Variants in RCOR3 observed in about 807,000 individuals in gnomAD.
The protein encoded by RCOR3 is REST corepressor 3.
Under a neutral mutation model 64.1 loss-of-function variants are expected in RCOR3, and 13 were observed. The observed-to-expected ratio is 0.20, with a 90% CI of 0.13 to 0.32. The LOEUF is 0.32. Ranked by LOEUF, RCOR3 falls within the 10% of genes least tolerant of loss-of-function variation. The pLI is 1.00. For missense variants in RCOR3, 489 were observed against 701.2 expected (o/e 0.70, Z 3.42); for synonymous variants, 215 against 239.0 (o/e 0.90, Z 0.93).
chr1:211,283,482 A>G (rs1698105647), intron 7 of RCOR3, among the ~76,000 whole-genome samples: 1 of 152,218 alleles, frequency 6.6e-6, no homozygotes. Context: ...TACCCATTGT[A>G]TACTTCCTTG....
chr1:211,270,045 GCGTTAA>G (rs895414993), intron 2 of RCOR3, among the ~76,000 whole-genome samples: 4 of 146,732 alleles, frequency 2.7e-5, no homozygotes, highest in African/African-American at 1.0e-4. Context: ...AGAAGAAGTT[GCGTTAA>G]CTTTTTTATC....
At chr1:211,285,808 A>G (rs1698443770) in intron 7 of RCOR3, among the ~76,000 whole-genome samples, 1 of 152,152 alleles carries the variant, frequency 6.6e-6, no homozygotes, top group Admixed American at 6.5e-5. Flanking sequence ...TATGTGATCA[A>G]TTATTCTGAT....
At chr1:211,271,668 A>G (rs1571827691) in intron 3 of RCOR3, 1 of 397,890 alleles carries the variant, frequency 2.5e-6, no homozygotes, top group Non-Finnish European at 5.0e-6. Flanking sequence ...CAAACTTCAA[A>G]GAGCCCACTA....
At chr1:211,265,717 CAAAT>C (rs750890051) in intron 2 of RCOR3, among the ~76,000 whole-genome samples, 1 of 151,890 alleles carries the variant, frequency 6.6e-6, no homozygotes, top group Non-Finnish European at 1.5e-5. Context: ...GACTCTGTCT[CAAAT>C]AAATAAATAA....
intron 2 of RCOR3, among the ~76,000 whole-genome samples, chr1:211,264,468 G>A (rs983792924): frequency 6.6e-6 from 1 of 152,114 alleles, no homozygotes; most frequent in Non-Finnish European, 1.5e-5. Flanking sequence ...GATCGCTTGA[G>A]CCCAGGAGTT....
Position 211,285,297 on chromosome 1 carries a change from A to C in RCOR3, c.721-3881A>C, listed in dbSNP as rs541336495. Among the ~76,000 whole-genome samples, 22 of 152,314 alleles carry C rather than the reference A, an allele frequency of 1.4e-4. No homozygotes were observed. The South Asian group carries it at 4.6e-3, about 32-fold the overall frequency. ...TTCAACATCAAGTAGGTTGTTATTA[A>C]AGGTTTTTGACTCATTCACATTGCT... is the stretch of plus-strand genomic sequence containing the variant. On this transcript the variant is annotated intron_variant, in intron 7 of 11. Transcript: ENST00000419091.
rs563300171 is a variant in RCOR3 at position 211,286,510 on chromosome 1, G to T, written c.721-2668G>T. Among the ~76,000 whole-genome samples the T allele has an allele frequency of 4.6e-5, 7 of 151,898 alleles. No individual in the cohort carries two copies. In the East Asian group the frequency reaches 1.2e-3, roughly 25 times the overall value. ...TTTTAATAGAGATGGGGTTTCACCG[G>T]GTTAGCCAGTATGGTCTCGATCTCC... On this transcript the variant is annotated intron_variant, in intron 7 of 11. Coordinates refer to ENST00000419091, the MANE Select transcript of RCOR3 (RefSeq NM_001136223.3).
intron 9 of RCOR3, among the ~76,000 whole-genome samples, chr1:211,298,150 C>A (rs1387722859): frequency 6.6e-6 from 1 of 152,080 alleles, no homozygotes; most frequent in African/African-American, 2.4e-5. Context: ...TGTGATTTTT[C>A]CACCTGCTTT....
rs1269890049 is a variant in RCOR3 at position 211,312,755 on chromosome 1, G to A, written c.1111G>A (p.Ala371Thr). The change falls in exon 11 of 12, where the codon GCA becomes ACA. Residue 371 changes from alanine to threonine, a missense_variant. Ala to Thr is a moderately conservative substitution (Grantham distance 58). Coordinates refer to ENST00000419091, the MANE Select transcript of RCOR3 (RefSeq NM_001136223.3). The surrounding 1 kb of genome is among the most constrained non-coding windows in gnomAD (Gnocchi z 5.0). ...ATATGGTAAAGATTTTCAAGCTATTGCAGATGTAATTGGCAACAAGACTGT... is the reference window on the plus strand; with the variant it reads ...ATATGGTAAAGATTTTCAAGCTATTACAGATGTAATTGGCAACAAGACTGT... ...RKYGKDFQAI[A>T]DVIGNKTVGQ... 1 of 1,614,202 alleles carries A rather than the reference G, an allele frequency of 6.2e-7. No individual in the cohort carries two copies. The highest frequency in any genetic ancestry group is 8.5e-7 in the Non-Finnish European group (1 of 1,180,036).
rs113805013 is a variant in RCOR3, at chr1:211,308,746, T to C, written c.1076-3974T>C. ...TTTTTTTTTGAGACAGAGTCTCACT[T>C]TGTCACCAAGGCTGGAGCACAGTGT... On this transcript the variant is annotated intron_variant, in intron 10 of 11. Coordinates refer to ENST00000419091, the MANE Select transcript of RCOR3 (RefSeq NM_001136223.3). Among the ~76,000 whole-genome samples the C allele has an allele frequency of 3.0e-5, 3 of 100,022 alleles. No individual in the cohort carries two copies. In the Admixed American group the frequency reaches 3.4e-4, roughly 11 times the overall value. The allele number at this position is 100,022 out of a possible 152,430, so 65.6% of individuals were successfully genotyped here.
chr1:211,268,162 G>C (rs1239778484), intron 2 of RCOR3, among the ~76,000 whole-genome samples: 1 of 152,050 alleles, frequency 6.6e-6, no homozygotes, highest in Admixed American at 6.6e-5. Flanking sequence ...CATGTTAAAG[G>C]ATTGAAGTTT....
intron 7 of RCOR3, among the ~76,000 whole-genome samples, chr1:211,286,099 G>A (rs1698481975): frequency 6.6e-6 from 1 of 152,128 alleles, no homozygotes; most frequent in African/African-American, 2.4e-5. Flanking sequence ...CTGGGCGTAT[G>A]TATTAATATT....
In RCOR3 at chr1:211,313,096, G is replaced by T; in HGVS notation, c.1317+135G>T. 6.5e-7 allele frequency: 1 copy of T among 1,536,848 alleles called. No individual in the cohort carries two copies. Among genetic ancestry groups the T allele is most frequent in the South Asian group, 1.3e-5 (1 of 77,836 alleles). ...GTTGACAATACACTTCTTCAGTGGT[G>T]CATCTCTCGTGACTCTTAAGTCATA... On this transcript the variant is annotated intron_variant, in intron 11 of 11. Transcript: ENST00000419091. The surrounding 1 kb of genome is among the most constrained non-coding windows in gnomAD (Gnocchi z 4.7).
rs1701700717 is a variant in RCOR3 at position 211,313,577 on chromosome 1, C to T, written c.1471C>T (p.Pro491Ser). The change falls in exon 12 of 12, where the codon CCT (proline) becomes TCT (serine). Residue 491 changes from proline (P) to serine (S), a missense_variant. Physicochemically the swap from Pro to Ser is moderately conservative, Grantham distance 74 (BLOSUM62 -1). Around this residue, in one of 2 missense-constraint regions of RCOR3, gnomAD observed 402 missense variants for 617.0 expected, o/e 0.65. Coordinates refer to ENST00000419091, the MANE Select transcript of RCOR3 (RefSeq NM_001136223.3). The surrounding 1 kb of genome is among the most constrained non-coding windows in gnomAD (Gnocchi z 4.7). Reference protein sequence around the residue: ...PAAPALHRQPPPLQQQARFIQ... With the variant: ...PAAPALHRQPSPLQQQARFIQ... ...TGCCCCGGCTCTTCACCGGCAGCCT[C>T]CTCCACTCCAGCAGCAGGCTCGGTT... The T allele has an allele frequency of 6.2e-7, 1 of 1,614,134 alleles. No homozygotes were observed. Among genetic ancestry groups the T allele is most frequent in the Non-Finnish European group, 8.5e-7 (1 of 1,180,022 alleles).
intron 4 of RCOR3, among the ~76,000 whole-genome samples, chr1:211,274,822 T>G (rs976468344): frequency 2.0e-5 from 3 of 151,830 alleles, no homozygotes; most frequent in African/African-American, 7.2e-5. Flanking sequence ...GTTAAGTCTC[T>G]TCAAATAAAA....
rs762977515 is a variant in RCOR3 at position 211,295,716 on chromosome 1, A to G, written c.980A>G (p.Lys327Arg). The G allele has an allele frequency of 1.2e-6, 2 of 1,613,748 alleles. No individual in the cohort carries two copies. Among genetic ancestry groups the G allele is most frequent in the Non-Finnish European group, 1.7e-6 (2 of 1,179,808 alleles). ...AKQVNSALKQ[K>R]MEGGIEEFKP... is the part of the protein sequence containing the mutation. ...CAAGTAAACAGTGCACTTAAACAGA[A>G]AATGGAAGGTGGAATTGAAGAATTC... Residue 327 changes from lysine (K) to arginine (R), a missense_variant, in exon 9 of 12, where the codon AAA (lysine) becomes AGA (arginine). Around this residue, in one of 2 missense-constraint regions of RCOR3, gnomAD observed 402 missense variants for 617.0 expected, o/e 0.65. Transcript: ENST00000419091.
At chr1:211,295,788 G>A (rs768317661) in intron 9 of RCOR3, 35 bp downstream of exon 9, 1 of 1,572,110 alleles carries the variant, frequency 6.4e-7, no homozygotes, top group Non-Finnish European at 8.7e-7. Context: ...ATTAAGTATA[G>A]TGAAAACTTG....
chr1:211,299,306 G>A (rs940697778), intron 9 of RCOR3, among the ~76,000 whole-genome samples: 1 of 152,138 alleles, frequency 6.6e-6, no homozygotes, highest in Non-Finnish European at 1.5e-5. Context: ...ATGTCTCCTT[G>A]AAAGTATGTG....
chr1:211,259,924 G>GCCCCCCCC, intron 1 of RCOR3, 184 bp from the exon 2 acceptor site: 1 of 459,852 alleles, frequency 2.2e-6, no homozygotes, highest in Non-Finnish European at 3.2e-6. Context: ...CTCCGCCTTT[G>GCCCCCCCC]CCCCCCCCCG....
Sources: allele counts gnomAD v4.1 joint callset (sites outside exome capture counted in the v4.1 genomes callset), GRCh38; gene constraint gnomAD v4.1.1; regional missense constraint gnomAD v4.1.1; non-coding constraint Gnocchi (gnomAD v3.1); transcripts MANE v1.5; gene names NCBI Gene and HGNC (gene_info 2026-07-23, HGNC 2026-07-21).